Variants in PRPF31 observed in about 807,000 individuals in gnomAD.
The protein encoded by PRPF31 is pre-mRNA processing factor 31.
In PRPF31, 12 loss-of-function variants were observed where a neutral mutation model predicts 60.4. That is an observed-to-expected ratio of 0.20 (90% confidence interval 0.13 to 0.32). The LOEUF is 0.32. PRPF31 is among the 10% of genes least tolerant of loss of function. The pLI, the probability that PRPF31 is intolerant of heterozygous loss-of-function variation, is 1.00. For missense variants in PRPF31, 431 were observed against 687.1 expected (o/e 0.63, Z 4.17); for synonymous variants, 287 against 287.9 (o/e 1.00, Z 0.03).
At chr19:54,117,315 A>T (rs2146388057) in intron 1 of PRPF31, among the ~76,000 whole-genome samples, 1 of 152,210 alleles carries the variant, frequency 6.6e-6, no homozygotes, top group South Asian at 2.1e-4. Context: ...TCTTTAGAAG[A>T]CCATTTCAAG....
At position 54,121,893 on chromosome 19, in the gene PRPF31, G is replaced by A. The variant is rs759141690; in HGVS notation, c.272G>A (p.Arg91His). The A allele has an allele frequency of 1.9e-5, 30 of 1,612,586 alleles. No homozygotes were observed. The highest frequency in any genetic ancestry group is 2.2e-5 in the East Asian group (1 of 44,834). ...MGPVEAAPEY[R>H]VIVDANNLTV... ...CCAGTGGAGGCCGCGCCTGAATACCGCGTCATCGTGGATGCCAACAACCTG... is the reference window on the plus strand; with the variant it reads ...CCAGTGGAGGCCGCGCCTGAATACCACGTCATCGTGGATGCCAACAACCTG... Residue 91 changes from arginine to histidine, a missense_variant, in exon 4 of 14, where the codon CGC becomes CAC. This residue lies in a region of PRPF31 where 113 missense variants were observed against 173.8 expected (regional missense o/e 0.65). Coordinates refer to ENST00000321030, the MANE Select transcript of PRPF31 (RefSeq NM_015629.4).
chr19:54,123,620 A>G (rs892975529), intron 6 of PRPF31, 60 bp downstream of exon 6: 7 of 1,607,584 alleles, frequency 4.4e-6, no homozygotes, highest in Non-Finnish European at 6.0e-6. Context: ...GGCTGGAGCT[A>G]CACACGCAGG....
chr19:54,128,955 CGGCTGGTGACCGCTGGGCTTCG>C (rs2073989427), intron 11 of PRPF31, 80 bp from the exon 12 acceptor site: 1 of 1,271,672 alleles, frequency 7.9e-7, no homozygotes, highest in Non-Finnish European at 1.1e-6. Context: ...TGGGACCGGC[CGGCTGGTGACCGCTGGGCTTCG>C]GGCTGGTGGA....
At chr19:54,121,396 G>A (rs2073785072) in intron 3 of PRPF31, among the ~76,000 whole-genome samples, 1 of 150,490 alleles carries the variant, frequency 6.6e-6, no homozygotes, top group South Asian at 2.1e-4. Flanking sequence ...GGTGTGGTGA[G>A]AGGATGGGGC....
intron 8 of PRPF31, chr19:54,124,983 C>G: frequency 2.0e-6 from 1 of 493,856 alleles, no homozygotes; most frequent in South Asian, 2.2e-5. Flanking sequence ...TCACGACAAG[C>G]AGCGTCGGGT....
At chr19:54,127,852 C>T (rs2073956044) in intron 9 of PRPF31, among the ~76,000 whole-genome samples, 2 of 152,202 alleles carry the variant, frequency 1.3e-5, no homozygotes, top group African/African-American at 4.8e-5. Flanking sequence ...CGTGGACATT[C>T]TTGTTGGGGC....
intron 3 of PRPF31, among the ~76,000 whole-genome samples, chr19:54,119,241 G>A (rs1330777263): frequency 6.6e-6 from 1 of 151,920 alleles, no homozygotes; most frequent in East Asian, 2.0e-4. Flanking sequence ...AATTAGCCAG[G>A]CGTGGTGGCG....
chr19:54,124,934 G>A (rs1226523139), intron 8 of PRPF31: 6 of 577,188 alleles, frequency 1.0e-5, no homozygotes, highest in Non-Finnish European at 1.6e-5. Context: ...TTGGGACGAG[G>A]GCTCAGTGCA....
intron 6 of PRPF31, 38 bp from the exon 7 acceptor site, chr19:54,123,711 C>T (rs766164274): frequency 8.8e-6 from 14 of 1,593,972 alleles, no homozygotes; most frequent in East Asian, 4.5e-5. Flanking sequence ...ACCAGGCAGG[C>T]GGGAGACCCA....
Position 54,131,335 on chromosome 19 carries a change from C to T in PRPF31, c.1403C>T (p.Ala468Val), listed in dbSNP as rs2074043099. The change falls in exon 14 of 14, where the codon GCA becomes GTA. Residue 468 changes from alanine (A) to valine (V), a missense_variant. Physicochemically the swap from Ala to Val is moderately conservative, Grantham distance 64 (BLOSUM62 0). Transcript: ENST00000321030. The stretch of plus-strand genomic sequence containing the variant: ...CTGGAGATTGTGAACCCACAGGCGG[C>T]AGAGAAGAAGGTGGCTGAGGCCAAC... ...QGLEIVNPQAAEKKVAEANQK... is the reference protein window; with the variant it reads ...QGLEIVNPQAVEKKVAEANQK... The T allele has an allele frequency of 6.2e-7, 1 of 1,613,920 alleles. No individual in the cohort carries two copies. Among genetic ancestry groups the T allele is most frequent in the Non-Finnish European group, 8.5e-7 (1 of 1,180,022 alleles).
In PRPF31 at chr19:54,129,068, C is replaced by T. The variant is rs147295591; in HGVS notation, c.1158C>T (p.Asp386=). ...CCTCTCCCCCCTAGATCGAGGAGGACGCCTACCAGGAGGACCTGGGATTCA... is the reference window on the plus strand; with the variant it reads ...CCTCTCCCCCCTAGATCGAGGAGGATGCCTACCAGGAGGACCTGGGATTCA... ...NRMSFGEIEE[D]AYQEDLGFSL... is the part of the protein sequence containing the mutation. Residue 386 remains aspartate (D), a synonymous_variant, in exon 12 of 14, where the codon GAC becomes GAT. Transcript: ENST00000321030. 6.0e-5 allele frequency: 94 copies of T among 1,574,000 alleles called. No individual in the cohort carries two copies. Among genetic ancestry groups the T allele is most frequent in the African/African-American group, 2.8e-4 (21 of 74,542 alleles).
chr19:54,124,797 G>C, intron 8 of PRPF31, 141 bp downstream of exon 8: 1 of 1,014,488 alleles, frequency 9.9e-7, no homozygotes, highest in East Asian at 2.6e-5. Flanking sequence ...TGGGACGTGA[G>C]AGCCAGGGCT....
At chr19:54,125,928 T>C (rs865842864) in intron 8 of PRPF31, among the ~76,000 whole-genome samples, 1 of 152,186 alleles carries the variant, frequency 6.6e-6, no homozygotes, top group East Asian at 1.9e-4. Flanking sequence ...CCTGATGTCT[T>C]GTCACCCAGG....
At chr19:54,123,586 G>A (rs779128633) in intron 6 of PRPF31, 26 bp downstream of exon 6, 9 of 1,610,080 alleles carry the variant, frequency 5.6e-6, no homozygotes, top group African/African-American at 1.3e-5. Context: ...GGGAGGCGCC[G>A]GGCCCTAATG....
chr19:54,122,274 T>G, intron 4 of PRPF31: 1 of 648,164 alleles, frequency 1.5e-6, no homozygotes, highest in Non-Finnish European at 2.8e-6. Flanking sequence ...TTCTTTTCTT[T>G]AAGAACATGT....
chr19:54,118,049 T>C (rs1349526031), intron 1 of PRPF31, among the ~76,000 whole-genome samples: 9 of 152,162 alleles, frequency 5.9e-5, no homozygotes, highest in Non-Finnish European at 1.3e-4. Flanking sequence ...CCAGTAAGTC[T>C]TAGCAAGGTG....
chr19:54,129,445 A>G (rs1462817838), intron 13 of PRPF31, 75 bp downstream of exon 13: 1 of 1,503,780 alleles, frequency 6.6e-7, no homozygotes, highest in East Asian at 2.5e-5. Flanking sequence ...CCCTGTGAAG[A>G]AGGCCAGGAT....
At chr19:54,121,514 A>G (rs1278065766) in intron 3 of PRPF31, among the ~76,000 whole-genome samples, 1 of 152,128 alleles carries the variant, frequency 6.6e-6, no homozygotes, top group African/African-American at 2.4e-5. Context: ...GGGTACAGCC[A>G]ACGCAGGCAC....
chr19:54,116,325 C>T (rs2146383402), intron 1 of PRPF31, among the ~76,000 whole-genome samples: 1 of 152,212 alleles, frequency 6.6e-6, no homozygotes, highest in Admixed American at 6.5e-5. Context: ...CTGCCTCAGC[C>T]TCCCGAGTAG....
Sources: gnomAD v4.1 joint callset for allele counts (sites outside exome capture counted in the v4.1 genomes callset) on GRCh38, gnomAD v4.1.1 for gene constraint, gnomAD v4.1.1 regional missense constraint, MANE v1.5 for transcripts, NCBI Gene and HGNC (gene_info 2026-07-23, HGNC 2026-07-21) for gene names.